ENPP6: variants seen among roughly 807,000 people sequenced by gnomAD.
ENPP6 encodes glycerophosphocholine cholinephosphodiesterase ENPP6.
Under a neutral mutation model 42.0 loss-of-function variants are expected in ENPP6, and 32 were observed. That is an observed-to-expected ratio of 0.76 (90% confidence interval 0.58 to 1.02). The LOEUF is 1.02. ENPP6 is among the 50% of genes least tolerant of loss of function. The probability of loss-of-function intolerance (pLI) is 0.00; values close to 1 mark genes in which losing one functional copy is unlikely to be tolerated. For synonymous variants in ENPP6, 213 were observed against 216.0 expected (o/e 0.99, Z 0.12); for missense variants, 552 against 566.8 (o/e 0.97, Z 0.27).
At chr4:184,113,894 C>CTTTCT (rs1267545476) in intron 5 of ENPP6, among the ~76,000 whole-genome samples, 16 of 148,356 alleles carry the variant, frequency 1.1e-4, no homozygotes, top group African/African-American at 2.0e-4. Flanking sequence ...TCCTTCCTTT[C>CTTTCT]TTTCTTTTCT....
chr4:184,211,466 G>A (rs1359917807), intron 1 of ENPP6, among the ~76,000 whole-genome samples: 1 of 151,896 alleles, frequency 6.6e-6, no homozygotes, highest in African/African-American at 2.4e-5. Context: ...ACACCTCTAC[G>A]CAAATAAACT....
chr4:184,191,801 C>T (rs1282428099), intron 1 of ENPP6, among the ~76,000 whole-genome samples: 6 of 152,152 alleles, frequency 3.9e-5, no homozygotes, highest in African/African-American at 7.2e-5. Context: ...AAACTTTTAA[C>T]TAATAAACAA....
intron 1 of ENPP6, among the ~76,000 whole-genome samples, chr4:184,155,366 T>A (rs1249766359): frequency 6.6e-6 from 1 of 152,216 alleles, no homozygotes; most frequent in Non-Finnish European, 1.5e-5. Context: ...CAAGGCAAAA[T>A]AACCATGATC....
At chr4:184,172,942 C>A (rs1737493623) in intron 1 of ENPP6, among the ~76,000 whole-genome samples, 1 of 152,092 alleles carries the variant, frequency 6.6e-6, no homozygotes, top group Non-Finnish European at 1.5e-5. Context: ...GAGATGAAGT[C>A]TCTCTCTGTC....
At chr4:184,097,775 C>T (rs760859493) in intron 6 of ENPP6, among the ~76,000 whole-genome samples, 5 of 152,172 alleles carry the variant, frequency 3.3e-5, no homozygotes, top group African/African-American at 1.2e-4. Context: ...GAATGTCTTT[C>T]GCTTTTCATT....
chr4:184,209,841 G>T (rs897754603), intron 1 of ENPP6, among the ~76,000 whole-genome samples: 42 of 143,228 alleles, frequency 2.9e-4, no homozygotes, highest in African/African-American at 9.6e-4. Context: ...AGAGAGAAAG[G>T]TCGGGTTACC....
intron 2 of ENPP6, among the ~76,000 whole-genome samples, chr4:184,137,137 C>A (rs1294635545): frequency 6.6e-6 from 1 of 152,226 alleles, no homozygotes. Context: ...CGCTCTGTCA[C>A]CCAGGCTGGA....
intron 2 of ENPP6, among the ~76,000 whole-genome samples, chr4:184,131,242 T>TTCGTTC (rs1736620930): frequency 5.4e-5 from 2 of 36,938 alleles, no homozygotes; most frequent in Non-Finnish European, 1.2e-4. Context: ...TTCCTTTTCT[T>TTCGTTC]TCTTTCTTTC....
At chr4:184,152,116 C>G (rs1014832393) in intron 2 of ENPP6, among the ~76,000 whole-genome samples, 4 of 152,220 alleles carry the variant, frequency 2.6e-5, no homozygotes, top group African/African-American at 9.7e-5. Flanking sequence ...GCAGCCTGCC[C>G]TGGCCTTCAG....
Position 184,141,297 on chromosome 4 carries a change from C to T in ENPP6, c.421+12257G>A, listed in dbSNP as rs370599972. ...GAAGTGGGCGAGCATTGCTCAACCTCGCAGGCTGCTGCCTCCGGGCCATTT... is the reference window on the plus strand; with the variant it reads ...GAAGTGGGCGAGCATTGCTCAACCTTGCAGGCTGCTGCCTCCGGGCCATTT... On this transcript the variant is annotated intron_variant, in intron 2 of 7. Transcript: ENST00000296741. 1.1e-4 allele frequency among the ~76,000 whole-genome samples: 16 copies of T among 152,270 alleles called. No homozygotes were observed. The East Asian group carries it at 1.7e-3, about 17-fold the overall frequency.
rs545672326 is a variant in ENPP6 at position 184,198,871 on chromosome 4, C to T, written c.241+18708G>A. Reference sequence around the variant, plus strand: ...TCTTGTCTCTCATCTGTCCAGTTGCCATCCAGATAGGTACCATGATTCCTG... The same window carrying T: ...TCTTGTCTCTCATCTGTCCAGTTGCTATCCAGATAGGTACCATGATTCCTG... On this transcript the variant is annotated intron_variant, in intron 1 of 7. Transcript: ENST00000296741. Among the ~76,000 whole-genome samples the T allele has an allele frequency of 2.6e-5, 4 of 152,312 alleles. No individual in the cohort carries two copies. The South Asian group carries it at 6.2e-4, about 24-fold the overall frequency.
intron 6 of ENPP6, among the ~76,000 whole-genome samples, chr4:184,110,765 T>C (rs1040851682): frequency 6.6e-6 from 1 of 152,224 alleles, no homozygotes; most frequent in African/African-American, 2.4e-5. Context: ...TGGAATTGCC[T>C]GCCTCCAGAC....
Position 184,157,708 on chromosome 4 carries a change from G to GGTT in ENPP6, c.242-3978_242-3976dup, listed in dbSNP as rs983636231. ...GCTCACTGCAACCTTGACCTCCCCA[G>GGTT]GTTCAGCCTCCTCCTCAGCCTCCCA... On this transcript the variant is annotated intron_variant, in intron 1 of 7. Transcript: ENST00000296741. Among the ~76,000 whole-genome samples the GGTT allele has an allele frequency of 2.6e-5, 4 of 151,372 alleles. No individual in the cohort carries two copies. The East Asian group carries it at 7.8e-4, about 29-fold the overall frequency.
chr4:184,201,410 G>A (rs1044620851), intron 1 of ENPP6, among the ~76,000 whole-genome samples: 10 of 152,290 alleles, frequency 6.6e-5, no homozygotes, highest in South Asian at 2.1e-4. Flanking sequence ...TGAGGGAGGC[G>A]GGGCGGGGGG....
chr4:184,193,611 A>G (rs10009868), intron 1 of ENPP6, among the ~76,000 whole-genome samples: 5,793 of 152,302 alleles, frequency 0.038, 373 homozygotes, highest in African/African-American at 0.13. Context: ...TAAAATGGCT[A>G]GATTTTATAA....
intron 2 of ENPP6, among the ~76,000 whole-genome samples, chr4:184,148,495 T>C (rs12331928): frequency 0.9 from 137,175 of 152,286 alleles, 62,021 homozygotes; most frequent in Non-Finnish European, 0.94. Flanking sequence ...GCATCTCCTC[T>C]ATTTCTCTGC....
chr4:184,177,877 G>A (rs2111098022), intron 1 of ENPP6, among the ~76,000 whole-genome samples: 1 of 151,606 alleles, frequency 6.6e-6, no homozygotes, highest in Middle Eastern at 3.4e-3. Flanking sequence ...AATGTCAGCA[G>A]CCTCAAAGAC....
rs200215380 is a variant in ENPP6 at position 184,116,855 on chromosome 4, C to T, written c.855+1G>A. 6.2e-7 allele frequency: 1 copy of T among 1,613,272 alleles called. No homozygotes were observed. The highest frequency in any genetic ancestry group is 2.2e-5 in the East Asian group (1 of 44,890). ...CTCCGCCCCCCACGGGTCTGTCTTG[C>T]CTCAGAGTGTTTCCCAGGGGCCGGC... On this transcript the variant is annotated splice_donor_variant, in intron 5 of 7. Transcript: ENST00000296741. LOFTEE classifies it high-confidence loss of function.
intron 1 of ENPP6, among the ~76,000 whole-genome samples, chr4:184,168,676 C>T (rs1262159914): frequency 6.6e-6 from 1 of 152,206 alleles, no homozygotes; most frequent in East Asian, 1.9e-4. Context: ...CTGGGCCAGC[C>T]TTGAATTCTG....
Sources: gnomAD v4.1 joint callset for allele counts (sites outside exome capture counted in the v4.1 genomes callset) on GRCh38, gnomAD v4.1.1 for gene constraint, MANE v1.5 for transcripts, NCBI Gene and HGNC (gene_info 2026-07-23, HGNC 2026-07-21) for gene names.